The following PGM2 variants were observed in gnomAD, a reference collection of about 807,000 sequenced individuals.
The protein encoded by PGM2 is phosphoglucomutase 2.
PGM2 carries 57 observed loss-of-function variants against 74.6 expected under a neutral mutation model. The observed-to-expected ratio is 0.76, with a 90% confidence interval of 0.62 to 0.95. The LOEUF (loss-of-function observed/expected upper bound fraction) is 0.95. Among genes scored for constraint, PGM2 ranks in the 40% least tolerant of loss-of-function variants. The pLI is 0.00. For missense variants in PGM2, 706 were observed against 741.9 expected (o/e 0.95, Z 0.56); for synonymous variants, 273 against 260.7 (o/e 1.05, Z -0.46).
chr4:37,861,646 T>G lies in PGM2; in HGVS notation c.*34T>G, dbSNP rs375274920. On this transcript the variant is annotated 3_prime_UTR_variant, in exon 14 of 14. Coordinates refer to ENST00000381967, the MANE Select transcript of PGM2 (RefSeq NM_018290.4). ...AGCCTTGGGTATACTTGCATTTACC[T>G]ACAATTAAGCTGGGTTTAACTTGTT... is the stretch of plus-strand genomic sequence containing the variant. 7.5e-7 allele frequency: 1 copy of G among 1,329,452 alleles called. No individual in the cohort carries two copies. The highest frequency in any genetic ancestry group is 1.1e-6 in the Non-Finnish European group (1 of 920,450). The allele number at this position is 1,329,452 out of a possible 1,614,324, so 82.4% of individuals were successfully genotyped here.
Position 37,826,802 on chromosome 4 carries a change from C to T in PGM2, c.70C>T (p.Arg24Cys). ...RLDQETAQWLRWDKNSLTLEA... is the reference protein window; with the variant it reads ...RLDQETAQWLCWDKNSLTLEA... ...GGACCAGGAGACCGCCCAGTGGCTGCGCTGGGACAAGGTGAGGGGCACCAG... is the reference window on the plus strand; with the variant it reads ...GGACCAGGAGACCGCCCAGTGGCTGTGCTGGGACAAGGTGAGGGGCACCAG... Residue 24 changes from arginine to cysteine, a missense_variant, in exon 1 of 14, where the codon CGC (arginine) becomes TGC (cysteine). Physicochemically the swap from Arg to Cys is radical, Grantham distance 180. Transcript: ENST00000381967. 6.5e-7 allele frequency: 1 copy of T among 1,546,742 alleles called. No individual in the cohort carries two copies. Among genetic ancestry groups the T allele is most frequent in the Non-Finnish European group, 8.7e-7 (1 of 1,144,038 alleles).
At chr4:37,827,647 A>G (rs544264650) in intron 1 of PGM2, among the ~76,000 whole-genome samples, 171 of 152,140 alleles carry the variant, frequency 1.1e-3, no homozygotes, top group Non-Finnish European at 1.9e-3. Flanking sequence ...TATCCCTAAT[A>G]TTCACTCTAA....
chr4:37,850,161 A>G (rs372221474), intron 11 of PGM2, 23 bp from the exon 12 acceptor site: 31 of 1,366,846 alleles, frequency 2.3e-5, no homozygotes, highest in Non-Finnish European at 3.1e-5. Context: ...CCTCATGTGC[A>G]TGAATTTGTA....
At chr4:37,854,603 G>A (rs566018681) in intron 12 of PGM2, among the ~76,000 whole-genome samples, 27 of 151,834 alleles carry the variant, frequency 1.8e-4, no homozygotes, top group African/African-American at 5.8e-4. Flanking sequence ...CGCCCTCCTC[G>A]GCCTCCCAAA....
intron 10 of PGM2, among the ~76,000 whole-genome samples, 158 bp from the exon 11 acceptor site, chr4:37,848,364 G>C (rs928186167): frequency 2.0e-5 from 3 of 152,224 alleles, no homozygotes; most frequent in Non-Finnish European, 4.4e-5. Flanking sequence ...CCTGCTATGG[G>C]CTAGGCACTG....
At chr4:37,847,649 A>G (rs748165546) in intron 10 of PGM2, among the ~76,000 whole-genome samples, 3 of 152,144 alleles carry the variant, frequency 2.0e-5, no homozygotes, top group Non-Finnish European at 4.4e-5. Context: ...TCCTCCTCCA[A>G]AAGTGCTAAT....
intron 2 of PGM2, among the ~76,000 whole-genome samples, chr4:37,832,823 T>C (rs1290062868): frequency 6.6e-6 from 1 of 152,222 alleles, no homozygotes; most frequent in Admixed American, 6.5e-5. Flanking sequence ...TTGAAGGTCA[T>C]ACACATAAAC....
At chr4:37,854,942 G>A (rs1358060088) in intron 12 of PGM2, among the ~76,000 whole-genome samples, 1 of 152,082 alleles carries the variant, frequency 6.6e-6, no homozygotes, top group Non-Finnish European at 1.5e-5. Flanking sequence ...CATTTATGAT[G>A]TACAATCCGA....
intron 10 of PGM2, 76 bp from the exon 11 acceptor site, chr4:37,848,446 C>T: frequency 1.6e-6 from 2 of 1,274,380 alleles, no homozygotes; most frequent in South Asian, 2.7e-5. Flanking sequence ...CTCTAATATG[C>T]AATAGCCAGG....
chr4:37,858,674 T>C (rs1711648069), intron 13 of PGM2, among the ~76,000 whole-genome samples: 1 of 152,110 alleles, frequency 6.6e-6, no homozygotes, highest in Admixed American at 6.6e-5. Flanking sequence ...CACTAAGATT[T>C]CCTTCTTTCC....
intron 4 of PGM2, 62 bp downstream of exon 4, chr4:37,837,675 T>G: frequency 9.9e-7 from 1 of 1,012,120 alleles, no homozygotes; most frequent in Non-Finnish European, 1.6e-6. Context: ...CTTGGCTGAA[T>G]TTTATAGTCT....
At chr4:37,860,938 T>A (rs1430463397) in intron 13 of PGM2, among the ~76,000 whole-genome samples, 1 of 152,208 alleles carries the variant, frequency 6.6e-6, no homozygotes, top group Non-Finnish European at 1.5e-5. Context: ...AGATTCATTA[T>A]GATATGACCA....
chr4:37,856,277 C>T (rs556751755), intron 13 of PGM2, among the ~76,000 whole-genome samples: 16 of 152,008 alleles, frequency 1.1e-4, no homozygotes, highest in African/African-American at 1.9e-4. Flanking sequence ...CCCAGCTACT[C>T]GGGAGGCTGA....
intron 1 of PGM2, among the ~76,000 whole-genome samples, chr4:37,829,321 T>G (rs1030710582): frequency 1.3e-5 from 2 of 152,230 alleles, no homozygotes; most frequent in African/African-American, 4.8e-5. Context: ...TCTCTGAGGC[T>G]TCCCCATCTA....
At chr4:37,854,680 A>C (rs1282121260) in intron 12 of PGM2, among the ~76,000 whole-genome samples, 1 of 151,924 alleles carries the variant, frequency 6.6e-6, no homozygotes, top group Non-Finnish European at 1.5e-5. Context: ...TTAAAAAAAA[A>C]AAACAAAAAA....
At chr4:37,827,447 C>G (rs567140485) in intron 1 of PGM2, among the ~76,000 whole-genome samples, 13 of 152,166 alleles carry the variant, frequency 8.5e-5, no homozygotes, top group African/African-American at 1.9e-4. Flanking sequence ...ACATCACTCC[C>G]TCTCCTCTCT....
intron 13 of PGM2, among the ~76,000 whole-genome samples, chr4:37,859,127 C>T (rs1263494814): frequency 2.0e-5 from 3 of 152,102 alleles, no homozygotes; most frequent in African/African-American, 7.2e-5. Context: ...TAACATTTTG[C>T]AATATTTGCT....
chr4:37,849,451 C>T (rs1320703484), intron 11 of PGM2, among the ~76,000 whole-genome samples: 3 of 124,770 alleles, frequency 2.4e-5, no homozygotes, highest in Non-Finnish European at 4.8e-5. Flanking sequence ...CTTGCTCTGT[C>T]ACCAGGCTGG....
intron 4 of PGM2, among the ~76,000 whole-genome samples, chr4:37,838,619 G>A (rs1442376232): frequency 1.3e-5 from 2 of 152,150 alleles, no homozygotes; most frequent in Non-Finnish European, 2.9e-5. Flanking sequence ...TGCACTGACA[G>A]GTAGATGCAG....
Sources: allele counts gnomAD v4.1 joint callset (sites outside exome capture counted in the v4.1 genomes callset), GRCh38; gene constraint gnomAD v4.1.1; transcripts MANE v1.5; gene names NCBI Gene and HGNC (gene_info 2026-07-23, HGNC 2026-07-21).